NCKAP5: variants seen among roughly 807,000 people sequenced by gnomAD.
NCKAP5 encodes the protein nck-associated protein 5.
In NCKAP5, 92 loss-of-function variants were observed where a neutral mutation model predicts 167.0. The observed-to-expected ratio is 0.55, with a 90% CI of 0.47 to 0.66. The LOEUF (loss-of-function observed/expected upper bound fraction) is 0.66, where lower values mean the gene tolerates loss of function less well. Ranked by LOEUF, NCKAP5 falls within the 30% of genes least tolerant of loss-of-function variation. The pLI, the probability that NCKAP5 is intolerant of heterozygous loss-of-function variation, is 0.00. For synonymous variants in NCKAP5, 891 were observed against 877.4 expected (o/e 1.02, Z -0.27); for missense variants, 2,378 against 2,315.0 (o/e 1.03, Z -0.56).
At chr2:133,634,729 T>C in the NCKAP5 span, among the ~76,000 whole-genome samples, 1 of 152,224 alleles carries the variant, frequency 6.6e-6, no homozygotes, top group African/African-American at 2.4e-5. Flanking sequence ...AGGACAACCA[T>C]TAAATTTGAA....
chr2:133,439,422 C>A (rs1690694241), intron 3 of NCKAP5, among the ~76,000 whole-genome samples: 1 of 152,066 alleles, frequency 6.6e-6, no homozygotes, highest in South Asian at 2.1e-4. Context: ...ATGTCGGGGG[C>A]AACAGTGCCA....
At chr2:133,354,464 T>C (rs780678151) in intron 3 of NCKAP5, among the ~76,000 whole-genome samples, 1 of 152,126 alleles carries the variant, frequency 6.6e-6, no homozygotes, top group African/African-American at 2.4e-5. Context: ...CCTGTTGTTA[T>C]CATTACATAT....
intron 6 of NCKAP5, among the ~76,000 whole-genome samples, chr2:133,016,348 T>C (rs1022894285): frequency 1.7e-4 from 26 of 152,150 alleles, no homozygotes; most frequent in African/African-American, 6.0e-4. Context: ...CAAAAAAAGG[T>C]GATGAAAATA....
At chr2:133,511,459 GAC>G (rs1683488118) in intron 3 of NCKAP5, among the ~76,000 whole-genome samples, 1 of 152,202 alleles carries the variant, frequency 6.6e-6, no homozygotes, top group African/African-American at 2.4e-5. Context: ...TCGGCTGGTG[GAC>G]AGATTCACTG....
chr2:133,673,880 C>T, the NCKAP5 span, among the ~76,000 whole-genome samples: 4 of 152,144 alleles, frequency 2.6e-5, no homozygotes, highest in African/African-American at 9.7e-5. Flanking sequence ...AAGGGCCTAC[C>T]GTGACAAGCT....
In NCKAP5 at chr2:132,989,863, C is replaced by A. The variant is rs1290472812; in HGVS notation, c.429+4289G>T. ...CATCCCAGTCCCTGAAGATTTGAGA[C>A]CTCTACGAGCTTTGCCATAAAATGA... On this transcript the variant is annotated intron_variant, in intron 7 of 19. Coordinates refer to ENST00000409261, the MANE Select transcript of NCKAP5 (RefSeq NM_207363.3). Among the ~76,000 whole-genome samples the A allele has an allele frequency of 2.6e-5, 4 of 152,282 alleles. No homozygotes were observed. The South Asian group carries it at 8.3e-4, about 32-fold the overall frequency.
intron 8 of NCKAP5, among the ~76,000 whole-genome samples, chr2:132,883,256 T>C (rs1415783850): frequency 6.8e-6 from 1 of 148,132 alleles, no homozygotes; most frequent in African/African-American, 2.5e-5. Flanking sequence ...CCATGTCCTC[T>C]GACTCCCTCC....
intron 2 of NCKAP5, among the ~76,000 whole-genome samples, chr2:133,539,900 G>T (rs1303690982): frequency 1.3e-5 from 2 of 152,208 alleles, no homozygotes; most frequent in African/African-American, 2.4e-5. Context: ...TACTATACAG[G>T]CTGGGCGCGG....
At chr2:133,375,204 C>T (rs1052308221) in intron 3 of NCKAP5, among the ~76,000 whole-genome samples, 1 of 152,212 alleles carries the variant, frequency 6.6e-6, no homozygotes, top group African/African-American at 2.4e-5. Flanking sequence ...TCCCCACAAT[C>T]TTGTCCTGTC....
Position 132,728,835 on chromosome 2 carries a change from A to T in NCKAP5, c.5561T>A (p.Val1854Asp), listed in dbSNP as rs201952722. ...SQPLPDWGSE[V>D]AATGTQDKAP... ...CCTCACCTGGGTCCCGGTGGCAGCA[A>T]CTTCACTCCCCCAGTCTGGAAGCGG... The change falls in exon 18 of 20, where the codon GTT becomes GAT. Residue 1854 changes from valine (V) to aspartate (D), a missense_variant. Physicochemically the swap from Val to Asp is radical, Grantham distance 152 (BLOSUM62 -3). Around this residue, in one of 3 missense-constraint regions of NCKAP5, gnomAD observed 1,325 missense variants for 1,274.5 expected, o/e 1.04. Coordinates refer to ENST00000409261, the MANE Select transcript of NCKAP5 (RefSeq NM_207363.3). 509 of 1,613,802 alleles carry T rather than the reference A, an allele frequency of 3.2e-4. 3 individuals carry two copies. The African/African-American group carries it at 6.2e-3, about 20-fold the overall frequency.
Position 132,791,938 on chromosome 2 carries a change from A to G in NCKAP5, c.910-1733T>C, listed in dbSNP as rs1054449883. On this transcript the variant is annotated intron_variant, in intron 12 of 19. Coordinates refer to ENST00000409261, the MANE Select transcript of NCKAP5 (RefSeq NM_207363.3). ...TCATGTCCATGTGTATACCTCCTGT[A>G]TAGATGTTGGGGTAAGATGACAGGA... Among the ~76,000 whole-genome samples the G allele has an allele frequency of 2.6e-5, 4 of 152,194 alleles. No homozygotes were observed. In the South Asian group the frequency reaches 8.3e-4, roughly 32 times the overall value.
At chr2:132,687,442 G>A (rs1327889801) in intron 19 of NCKAP5, among the ~76,000 whole-genome samples, 2 of 152,126 alleles carry the variant, frequency 1.3e-5, no homozygotes, top group Non-Finnish European at 2.9e-5. Flanking sequence ...ATAGTTAAAT[G>A]TGAGTGGGCT....
intron 5 of NCKAP5, among the ~76,000 whole-genome samples, chr2:133,135,738 C>T (rs2082765985): frequency 6.6e-6 from 1 of 152,072 alleles, no homozygotes. Flanking sequence ...AAGCCAGTTT[C>T]CTCTGCATAC....
chr2:133,534,507 C>T (rs1469172885), intron 2 of NCKAP5, among the ~76,000 whole-genome samples: 1 of 152,118 alleles, frequency 6.6e-6, no homozygotes, highest in Non-Finnish European at 1.5e-5. Context: ...ACCCCTTACC[C>T]AGCCCCCGGC....
At chr2:133,106,204 A>C (rs2081687118) in intron 6 of NCKAP5, among the ~76,000 whole-genome samples, 1 of 142,848 alleles carries the variant, frequency 7.0e-6, no homozygotes. Flanking sequence ...GAGGAAGGAC[A>C]ATGGTGTGAA....
At chr2:133,558,725 A>AAAAAAAAAC in intron 2 of NCKAP5, among the ~76,000 whole-genome samples, 2 of 147,438 alleles carry the variant, frequency 1.4e-5, no homozygotes, top group Non-Finnish European at 3.0e-5. Context: ...AAAAAAAAAA[A>AAAAAAAAAC]AGCCCATATG....
At chr2:132,924,449 G>T (rs1695691618) in intron 8 of NCKAP5, among the ~76,000 whole-genome samples, 1 of 152,100 alleles carries the variant, frequency 6.6e-6, no homozygotes, top group South Asian at 2.1e-4. Flanking sequence ...TTACAGATAG[G>T]TCACTCCTTT....
rs140340386 is a variant in NCKAP5, at chr2:132,828,546, A to G, written c.808-31817T>C. Among the ~76,000 whole-genome samples, 629 of 152,236 alleles carry G rather than the reference A, an allele frequency of 4.1e-3. 5 individuals carry two copies. The highest frequency in any genetic ancestry group is 0.014 in the African/African-American group (596 of 41,550). ...GGCCTCCCCAGAAACAGATGCCACT[A>G]TACTTCCTGTACAGCCTGTGGAACT... On this transcript the variant is annotated intron_variant, in intron 11 of 19. Transcript: ENST00000409261.
intron 5 of NCKAP5, among the ~76,000 whole-genome samples, chr2:133,161,368 T>G (rs116822807): frequency 5.9e-5 from 9 of 152,150 alleles, no homozygotes; most frequent in Non-Finnish European, 1.0e-4. Flanking sequence ...CTATATATGT[T>G]TATTGAAAAT....
Sources: gnomAD v4.1 joint callset for allele counts (sites outside exome capture counted in the v4.1 genomes callset) on GRCh38, gnomAD v4.1.1 for gene constraint, gnomAD v4.1.1 regional missense constraint, MANE v1.5 for transcripts, NCBI Gene and HGNC (gene_info 2026-07-23, HGNC 2026-07-21) for gene names.